MXRA8: variants seen among roughly 807,000 people sequenced by gnomAD.
MXRA8 encodes matrix remodeling associated 8.
Under a neutral mutation model 51.4 loss-of-function variants are expected in MXRA8, and 44 were observed. The observed-to-expected ratio is 0.86, with a 90% CI of 0.67 to 1.10. MXRA8 has a LOEUF of 1.10. Among genes scored for constraint, MXRA8 ranks in the 50% least tolerant of loss-of-function variants. The pLI, the probability that MXRA8 is intolerant of heterozygous loss-of-function variation, is 0.00. For missense variants in MXRA8, 765 were observed against 638.9 expected (o/e 1.20, Z -2.13); for synonymous variants, 369 against 293.5 (o/e 1.26, Z -2.63).
upstream of MXRA8, among the ~76,000 whole-genome samples, chr1:1,363,205 C>T (rs1301011238): frequency 6.6e-6 from 1 of 152,126 alleles, no homozygotes; most frequent in African/African-American, 2.4e-5. Context: ...ACTGCTTGAA[C>T]CTGGGAGGCA....
At chr1:1,361,552 G>T, upstream of MXRA8, 1 of 513,128 alleles carries the variant, frequency 1.9e-6, no homozygotes. Context: ...GCCAGTGGCG[G>T]GGCTGCCAGG....
At chr1:1,361,337 G>A (rs1044826688), upstream of MXRA8, 1 of 702,634 alleles carries the variant, frequency 1.4e-6, no homozygotes, top group African/African-American at 1.7e-5. Context: ...AGGCTTGCTG[G>A]GCACTGGGGA....
chr1:1,361,116 T>C, upstream of MXRA8: 1 of 692,220 alleles, frequency 1.4e-6, no homozygotes, highest in Non-Finnish European at 2.6e-6. Flanking sequence ...CACGCATGCA[T>C]GCACATGAAG....
chr1:1,354,146 G>A (rs1393876918), intron 7 of MXRA8, 40 bp from the exon 8 acceptor site: 1 of 1,612,762 alleles, frequency 6.2e-7, no homozygotes, highest in Admixed American at 1.7e-5. Context: ...GCTGGGTGGG[G>A]TGAAGGGGGC....
chr1:1,354,319 T>C, intron 6 of MXRA8, 35 bp downstream of exon 6: 1 of 1,600,738 alleles, frequency 6.2e-7, no homozygotes, highest in Non-Finnish European at 8.5e-7. Context: ...CACCTCAGTC[T>C]CCTGGGGCCG....
chr1:1,358,574 C>T, upstream of MXRA8: 1 of 1,559,266 alleles, frequency 6.4e-7, no homozygotes. Context: ...AGCCCTACCC[C>T]CTCCCCCTCC....
At chr1:1,353,748 GC>G in intron 9 of MXRA8, 99 bp downstream of exon 9, 1 of 1,466,812 alleles carries the variant, frequency 6.8e-7, no homozygotes, top group Admixed American at 2.3e-5. Flanking sequence ...GGTGGCAGGG[GC>G]CCCGGGCCTG....
chr1:1,361,221 G>T (rs748061334), upstream of MXRA8: 1 of 703,472 alleles, frequency 1.4e-6, no homozygotes, highest in South Asian at 1.5e-5. Flanking sequence ...CACATGGAAA[G>T]ACACACACAG....
rs371043953 is a variant in MXRA8, at chr1:1,354,251, T to C, written c.1106-19A>G. ...TCGTAGCCTGGGAAGGAGACTCACA[T>C]TGGGGGCAGTGCCGCCCCTTCCGCA... On this transcript the variant is annotated intron_variant, in intron 6 of 9. Transcript: ENST00000309212. The C allele has an allele frequency of 7.5e-5, 121 of 1,610,704 alleles. No individual in the cohort carries two copies. Among genetic ancestry groups the C allele is most frequent in the East Asian group, 1.3e-4 (6 of 44,850 alleles).
At position 1,355,640 on chromosome 1, in the gene MXRA8, G is replaced by T. The variant is rs963304052; in HGVS notation, c.186C>A (p.Thr62=). The part of the protein sequence containing the change: ...LRCQSPRMVW[T]QDRLHDRQRV... ...GCTGGCGGTCGTGCAGCCGGTCCTG[G>T]GTCCACACCATGCGCGGGCTCTGGC... is the stretch of plus-strand genomic sequence containing the variant. The change falls in exon 3 of 10, where the codon ACC becomes ACA. Residue 62 remains threonine (T), a synonymous_variant. Coordinates refer to ENST00000309212, the MANE Select transcript of MXRA8 (RefSeq NM_032348.4). 3.4e-5 allele frequency: 49 copies of T among 1,446,308 alleles called. No individual in the cohort carries two copies. Among genetic ancestry groups the T allele is most frequent in the Non-Finnish European group, 4.3e-5 (47 of 1,104,148 alleles). 89.6% of individuals were successfully genotyped at this position (1,446,308 alleles called of 1,614,324 possible). A position where few individuals can be genotyped will look rare whatever the true frequency, so the allele number is the denominator to read the frequency against.
At position 1,355,752 on chromosome 1, in the gene MXRA8, C is replaced by G. The variant is rs1384322188; in HGVS notation, c.74G>C (p.Gly25Ala). The G allele has an allele frequency of 7.8e-7, 1 of 1,282,680 alleles. No homozygotes were observed. The highest frequency in any genetic ancestry group is 1.6e-5 in the African/African-American group (1 of 62,496). 79.5% of individuals were successfully genotyped at this position (1,282,680 alleles called of 1,614,324 possible). ...LQSSAVLLHS[G>A]SSVPAAAGSS... ...GCCAGCAGCGGCGGGTACCGAGGACCCTGGTGGGGGAGGGGAGTCGGTGGG... is the reference window on the plus strand; with the variant it reads ...GCCAGCAGCGGCGGGTACCGAGGACGCTGGTGGGGGAGGGGAGTCGGTGGG... Residue 25 changes from glycine to alanine, a missense_variant and splice_region_variant, in exon 3 of 10, where the codon GGG (glycine) becomes GCG (alanine). Coordinates refer to ENST00000309212, the MANE Select transcript of MXRA8 (RefSeq NM_032348.4).
Position 1,356,686 on chromosome 1 carries a change from T to A in MXRA8, c.68A>T (p.His23Leu). 1 of 1,424,350 alleles carries A rather than the reference T, an allele frequency of 7.0e-7. No individual in the cohort carries two copies. Among genetic ancestry groups the A allele is most frequent in the Non-Finnish European group, 9.3e-7 (1 of 1,077,356 alleles). 88.2% of individuals were successfully genotyped at this position (1,424,350 alleles called of 1,614,324 possible). The change falls in exon 2 of 10, where the codon CAC becomes CTC. Residue 23 changes from histidine to leucine, a missense_variant. His to Leu is a moderately conservative substitution (Grantham distance 99). Coordinates refer to ENST00000309212, the MANE Select transcript of MXRA8 (RefSeq NM_032348.4). ...VLLQSSAVLL[H>L]SGSSVPAAAG... ...CTGGGGCTGGGGTCACTAACCTGAG[T>A]GCAGGAGAACAGCAGAGCCTGGAAG... is the stretch of plus-strand genomic sequence containing the variant.
intron 2 of MXRA8, 77 bp from the exon 3 acceptor site, chr1:1,355,829 G>A (rs1644116537): frequency 4.8e-6 from 1 of 206,286 alleles, no homozygotes; most frequent in Non-Finnish European, 8.4e-6. Flanking sequence ...TGGGGGAGGG[G>A]CAGGGCCCTG....
chr1:1,363,166 C>G (rs1041616741), upstream of MXRA8, among the ~76,000 whole-genome samples: 3 of 152,038 alleles, frequency 2.0e-5, no homozygotes, highest in African/African-American at 7.2e-5. Context: ...ACCTGTAGTC[C>G]GAGCTACTCC....
intron 6 of MXRA8, 43 bp downstream of exon 6, chr1:1,354,311 C>A: frequency 1.3e-6 from 2 of 1,599,204 alleles, no homozygotes; most frequent in South Asian, 2.2e-5. Flanking sequence ...CTCCCGCCCA[C>A]CTCAGTCTCC....
intron 2 of MXRA8, among the ~76,000 whole-genome samples, chr1:1,356,112 C>T (rs1464826092): frequency 1.3e-5 from 1 of 78,472 alleles, no homozygotes; most frequent in East Asian, 3.7e-4. Flanking sequence ...GGGGTGTGGG[C>T]CCCTGAGGCC....
intron 1 of MXRA8, 143 bp from the exon 2 acceptor site, chr1:1,356,847 A>G (rs964095112): frequency 1.4e-5 from 9 of 656,902 alleles, no homozygotes; most frequent in Non-Finnish European, 1.8e-5. Flanking sequence ...CGCCTCTCAC[A>G]CAGACCTACA....
Position 1,353,092 on chromosome 1 carries a change from G to A in MXRA8, c.*512C>T. ...TGGTGGTACAGGTGGGGGAGCTCTC[G>A]GTGGCAGGCAGCACCCCAGGAGGAG... On this transcript the variant is annotated 3_prime_UTR_variant, in exon 10 of 10. Transcript: ENST00000309212. 3.1e-6 allele frequency: 2 copies of A among 647,192 alleles called. No homozygotes were observed. The highest frequency in any genetic ancestry group is 5.5e-6 in the Non-Finnish European group (2 of 361,264). The allele number at this position is 647,192 out of a possible 1,614,324, so 40.1% of individuals were successfully genotyped here. A position where few individuals can be genotyped will look rare whatever the true frequency, so the allele number is the denominator to read the frequency against.
At chr1:1,361,480 A>C (rs1644221730), upstream of MXRA8, 11 of 586,982 alleles carry the variant, frequency 1.9e-5, no homozygotes, top group Non-Finnish European at 2.8e-5. Context: ...GACGGACCCA[A>C]GGAAGCAACC....
Sources: allele counts gnomAD v4.1 joint callset (sites outside exome capture counted in the v4.1 genomes callset), GRCh38; gene constraint gnomAD v4.1.1; transcripts MANE v1.5; gene names NCBI Gene and HGNC (gene_info 2026-07-23, HGNC 2026-07-21).